Variants in CERKL observed in about 807,000 individuals in gnomAD.
CERKL encodes ceramide kinase-like protein.
In CERKL, 61 loss-of-function variants were observed where a neutral mutation model predicts 63.4. The observed-to-expected ratio is 0.96, with a 90% confidence interval of 0.78 to 1.19. The LOEUF (loss-of-function observed/expected upper bound fraction) is 1.19, where lower values mean the gene tolerates loss of function less well. Ranked by LOEUF, CERKL falls within the 50% of genes most tolerant of loss-of-function variation. The probability of loss-of-function intolerance (pLI) is 0.00; values close to 1 mark genes in which losing one functional copy is unlikely to be tolerated. For missense variants in CERKL, 675 were observed against 655.5 expected (o/e 1.03, Z -0.33); for synonymous variants, 250 against 230.5 (o/e 1.08, Z -0.77).
At position 181,603,915 on chromosome 2, in the gene CERKL, T is replaced by G; in HGVS notation, c.403A>C (p.Asn135His). 6.2e-7 allele frequency: 1 copy of G among 1,612,978 alleles called. No homozygotes were observed. Among genetic ancestry groups the G allele is most frequent in the South Asian group, 1.1e-5 (1 of 91,046 alleles). Reference sequence around the variant, plus strand: ...AAATTAATAAGATCAAGTGTAGAATTCTTTAGTTTATTTTGTTCCTTTTTC... The same window carrying G: ...AAATTAATAAGATCAAGTGTAGAATGCTTTAGTTTATTTTGTTCCTTTTTC... ...CLKKEQNKLK[N>H]STLDLINLSE... The change falls in exon 2 of 13, where the codon AAT becomes CAT. Residue 135 changes from asparagine (N) to histidine (H), a missense_variant. By Grantham distance (68) the Asn-to-His change is moderately conservative. Transcript: ENST00000410087.
In CERKL at chr2:181,598,870, G is replaced by A. The variant is rs1685338738; in HGVS notation, c.481+4967C>T. ...CATACACCATAGTCATACCCTCAAG[G>A]GGAAAAAAAAAAAAAGTTTAAGTCC... On this transcript the variant is annotated intron_variant, in intron 2 of 12. Coordinates refer to ENST00000410087, the MANE Select transcript of CERKL (RefSeq NM_201548.5). Among the ~76,000 whole-genome samples, 6 of 103,552 alleles carry A rather than the reference G, an allele frequency of 5.8e-5. No homozygotes were observed. The South Asian group carries it at 1.3e-3, about 23-fold the overall frequency. 67.9% of individuals were successfully genotyped at this position (103,552 alleles called of 152,430 possible).
At chr2:181,565,950 T>C (rs930818796) in intron 4 of CERKL, 108 bp downstream of exon 4, 10 of 751,420 alleles carry the variant, frequency 1.3e-5, no homozygotes, top group East Asian at 2.7e-5. Context: ...CCAAAGTACA[T>C]ACACTACAAA....
At chr2:181,567,235 G>A (rs1046255467) in intron 3 of CERKL, among the ~76,000 whole-genome samples, 1 of 151,988 alleles carries the variant, frequency 6.6e-6, no homozygotes, top group South Asian at 2.1e-4. Flanking sequence ...AAGTTGAAAG[G>A]TTATCAAAGA....
chr2:181,618,412 ATTTTT>A (rs1686303326), intron 1 of CERKL, among the ~76,000 whole-genome samples: 1 of 151,302 alleles, frequency 6.6e-6, no homozygotes, highest in Non-Finnish European at 1.5e-5. Context: ...TGTTATTTTT[ATTTTT>A]ATTTTTTTTA....
chr2:181,615,246 C>T (rs1283740567), intron 1 of CERKL, among the ~76,000 whole-genome samples: 3 of 152,180 alleles, frequency 2.0e-5, no homozygotes, highest in African/African-American at 7.2e-5. Context: ...GTTACCTTGT[C>T]ACCATGAGAG....
intron 5 of CERKL, among the ~76,000 whole-genome samples, chr2:181,556,286 A>G (rs913433832): frequency 2.4e-4 from 36 of 152,020 alleles, no homozygotes; most frequent in African/African-American, 7.5e-4. Flanking sequence ...GTACATGTGC[A>G]CAATGTGCAG....
At chr2:181,638,492 AAAT>A (rs763247324) in intron 1 of CERKL, among the ~76,000 whole-genome samples, 13 of 152,222 alleles carry the variant, frequency 8.5e-5, no homozygotes, top group Non-Finnish European at 1.8e-4. Flanking sequence ...AGATCAGTAA[AAAT>A]AATCATTGCT....
At chr2:181,605,391 A>G (rs951417453) in intron 1 of CERKL, among the ~76,000 whole-genome samples, 1 of 152,228 alleles carries the variant, frequency 6.6e-6, no homozygotes, top group Non-Finnish European at 1.5e-5. Context: ...GCAGATGTAC[A>G]AAGCCAGATA....
chr2:181,575,939 A>T (rs1689117038), intron 2 of CERKL, among the ~76,000 whole-genome samples: 1 of 152,184 alleles, frequency 6.6e-6, no homozygotes, highest in African/African-American at 2.4e-5. Flanking sequence ...ACCTCTCTGA[A>T]GTTTGTCTCA....
intron 10 of CERKL, among the ~76,000 whole-genome samples, chr2:181,545,634 C>T (rs147693569): frequency 1.0e-3 from 156 of 152,224 alleles, no homozygotes; most frequent in African/African-American, 3.6e-3. Flanking sequence ...GAAAAGACAA[C>T]TCCAAGTTTA....
At chr2:181,595,373 G>A (rs1017651755) in intron 2 of CERKL, among the ~76,000 whole-genome samples, 1 of 104,870 alleles carries the variant, frequency 9.5e-6, no homozygotes, top group Non-Finnish European at 1.7e-5. Flanking sequence ...GGGTTGCCCT[G>A]CTTCAAGAGT....
intron 1 of CERKL, among the ~76,000 whole-genome samples, chr2:181,611,404 A>G (rs1685963238): frequency 6.6e-6 from 1 of 152,050 alleles, no homozygotes; most frequent in South Asian, 2.1e-4. Context: ...AATGCCTGTG[A>G]TTGCAGTGTT....
chr2:181,544,067 C>T (rs1687624430), intron 11 of CERKL, among the ~76,000 whole-genome samples: 1 of 151,578 alleles, frequency 6.6e-6, no homozygotes, highest in African/African-American at 2.4e-5. Context: ...CAAAGACTCA[C>T]AATTTCAGAA....
intron 4 of CERKL, chr2:181,565,593 T>G (rs1395030641): frequency 9.4e-6 from 10 of 1,058,284 alleles, no homozygotes; most frequent in Non-Finnish European, 1.0e-5. Flanking sequence ...AATAATGTAT[T>G]TATTTACTTG....
chr2:181,596,510 G>A (rs1685215508), intron 2 of CERKL, among the ~76,000 whole-genome samples: 1 of 152,128 alleles, frequency 6.6e-6, no homozygotes, highest in Admixed American at 6.6e-5. Flanking sequence ...AAACACTGCA[G>A]GAACCTTTGC....
rs1446727960 is a variant in CERKL at position 181,538,170 on chromosome 2, G to A, written c.*14C>T. ...AATTCTAGTTTGTACATTTCTTTTA[G>A]AAACAATTACATGTTACTTTGGAAT... On this transcript the variant is annotated 3_prime_UTR_variant, in exon 13 of 13. Transcript: ENST00000410087. 1.2e-5 allele frequency: 19 copies of A among 1,525,618 alleles called. No homozygotes were observed. The highest frequency in any genetic ancestry group is 1.7e-5 in the Non-Finnish European group (19 of 1,101,678). The allele number at this position is 1,525,618 out of a possible 1,614,324, so 94.5% of individuals were successfully genotyped here. A position where few individuals can be genotyped will look rare whatever the true frequency, so the allele number is the denominator to read the frequency against.
intron 2 of CERKL, among the ~76,000 whole-genome samples, chr2:181,598,745 C>T (rs1196119496): frequency 6.6e-6 from 1 of 152,014 alleles, no homozygotes; most frequent in Non-Finnish European, 1.5e-5. Context: ...TACATTGCTA[C>T]AATAAGCAGC....
intron 2 of CERKL, 96 bp from the exon 3 acceptor site, chr2:181,573,980 T>C (rs981901260): frequency 1.6e-4 from 172 of 1,090,470 alleles, no homozygotes; most frequent in Non-Finnish European, 1.8e-4. Context: ...GAATGTTATA[T>C]GCATTTAAAT....
rs1299362125 is a variant in CERKL, at chr2:181,539,281, AT to A, written c.1366-18del. 4 of 1,487,688 alleles carry A rather than the reference AT, an allele frequency of 2.7e-6. No homozygotes were observed. Among genetic ancestry groups the A allele is most frequent in the Admixed American group, 3.3e-5 (2 of 59,754 alleles). The allele number at this position is 1,487,688 out of a possible 1,614,324, so 92.2% of individuals were successfully genotyped here. A position where few individuals can be genotyped will look rare whatever the true frequency, so the allele number is the denominator to read the frequency against. ...AAAATTGAACTAAAAATAAATACAA[AT>A]AATCATTATACTTGGTTTATCTCTA... is the stretch of plus-strand genomic sequence containing the variant. On this transcript the variant is annotated intron_variant, in intron 11 of 12. Transcript: ENST00000410087.
Sources: gnomAD v4.1 joint callset for allele counts (sites outside exome capture counted in the v4.1 genomes callset) on GRCh38, gnomAD v4.1.1 for gene constraint, MANE v1.5 for transcripts, NCBI Gene and HGNC (gene_info 2026-07-23, HGNC 2026-07-21) for gene names.